CCN4: variants seen among roughly 807,000 people sequenced by gnomAD.
CCN4 encodes CCN family member 4.
In CCN4, 30 loss-of-function variants were observed where a neutral mutation model predicts 36.7. The ratio of observed to expected loss-of-function variants is 0.82; its 90% CI spans 0.61 to 1.11. The LOEUF is 1.11. Among genes scored for constraint, CCN4 ranks in the 50% least tolerant of loss-of-function variants. The probability of loss-of-function intolerance (pLI) is 0.00; values close to 1 mark genes in which losing one functional copy is unlikely to be tolerated. For missense variants in CCN4, 505 were observed against 504.9 expected (o/e 1.00, Z 0.00); for synonymous variants, 191 against 195.4 (o/e 0.98, Z 0.19).
At position 133,191,123 on chromosome 8, in the gene CCN4, C is replaced by T. The variant is rs1437113285; in HGVS notation, c.-22C>T. The stretch of plus-strand genomic sequence containing the variant: ...GATCCTCTGGGCTGCTCGGTCGATG[C>T]CTGTGCCACTGACGTCCAGGCATGA... On this transcript the variant is annotated 5_prime_UTR_variant, in exon 1 of 5. Transcript: ENST00000250160. The T allele has an allele frequency of 1.9e-6, 3 of 1,604,904 alleles. No homozygotes were observed. Among genetic ancestry groups the T allele is most frequent in the Admixed American group, 1.7e-5 (1 of 59,978 alleles).
Position 133,220,646 on chromosome 8 carries a change from A to C in CCN4, c.415A>C (p.Asn139His). 1 of 1,614,174 alleles carries C rather than the reference A, an allele frequency of 6.2e-7. No individual in the cohort carries two copies. The highest frequency in any genetic ancestry group is 8.5e-7 in the Non-Finnish European group (1 of 1,180,000). ...RYNNGQSFQP[N>H]CKYNCTCIDG... ...CAACAACGGCCAGTCCTTCCAGCCT[A>C]ACTGCAAGTACAACTGCACGTGCAT... The change falls in exon 3 of 5, where the codon AAC becomes CAC. Residue 139 changes from asparagine to histidine, a missense_variant. Asn to His is a moderately conservative substitution (Grantham distance 68, BLOSUM62 1). Transcript: ENST00000250160.
intron 1 of CCN4, among the ~76,000 whole-genome samples, chr8:133,198,442 A>G (rs748967698): frequency 2.0e-5 from 3 of 152,154 alleles, no homozygotes; most frequent in African/African-American, 7.2e-5. Flanking sequence ...TGGTTTCCCA[A>G]TTAGGCCCTC....
In CCN4 at chr8:133,202,172, T is replaced by TA. The variant is rs1174513844; in HGVS notation, c.70-10688dup. ...ATGTATTTTACCCTTGATGTTTTGT[T>TA]AAAATGACTGAAAATGGGAGAAAAC... is the stretch of plus-strand genomic sequence containing the variant. On this transcript the variant is annotated intron_variant, in intron 1 of 4. Coordinates refer to ENST00000250160, the MANE Select transcript of CCN4 (RefSeq NM_003882.4). Among the ~76,000 whole-genome samples, 4 of 152,172 alleles carry TA rather than the reference T, an allele frequency of 2.6e-5. No individual in the cohort carries two copies. The East Asian group carries it at 7.7e-4, about 29-fold the overall frequency.
At chr8:133,216,256 C>T (rs899577794) in intron 2 of CCN4, among the ~76,000 whole-genome samples, 11 of 152,266 alleles carry the variant, frequency 7.2e-5, no homozygotes, top group African/African-American at 2.2e-4. Context: ...AGCAAATGGA[C>T]AGTTCCTAGG....
chr8:133,220,199 T>C (rs1257071955), intron 2 of CCN4, among the ~76,000 whole-genome samples: 2 of 152,124 alleles, frequency 1.3e-5, no homozygotes, highest in Non-Finnish European at 2.9e-5. Flanking sequence ...TCTGGCTTTT[T>C]TTTTACAAGT....
intron 2 of CCN4, among the ~76,000 whole-genome samples, chr8:133,217,936 C>CCACACA (rs58105917): frequency 2.9e-4 from 42 of 144,526 alleles, no homozygotes; most frequent in African/African-American, 8.0e-4. Context: ...ACTCCCTTCT[C>CCACACA]CACACACACA....
At chr8:133,192,155 T>C (rs1853138765) in intron 1 of CCN4, among the ~76,000 whole-genome samples, 1 of 151,996 alleles carries the variant, frequency 6.6e-6, no homozygotes, top group Admixed American at 6.6e-5. Flanking sequence ...GGCAAAAGAG[T>C]GTTTATCCCC....
At chr8:133,222,969 A>G (rs2130615638) in intron 3 of CCN4, among the ~76,000 whole-genome samples, 1 of 152,160 alleles carries the variant, frequency 6.6e-6, no homozygotes, top group Non-Finnish European at 1.5e-5. Context: ...ACTAAATCCC[A>G]GCAATCTAAT....
chr8:133,225,451 C>T lies in CCN4; in HGVS notation c.672C>T (p.Ser224=). 1 of 1,614,060 alleles carries T rather than the reference C, an allele frequency of 6.2e-7. No homozygotes were observed. The highest frequency in any genetic ancestry group is 8.5e-7 in the Non-Finnish European group (1 of 1,179,962). ...GCATAGCCTACACAAGCCCCTGGAG[C>T]CCTTGCTCCACCAGCTGCGGCCTGG... ...RNCIAYTSPW[S]PCSTSCGLGV... is the part of the protein sequence containing the mutation. Residue 224 remains serine (S), a synonymous_variant, in exon 4 of 5, where the codon AGC becomes AGT. Transcript: ENST00000250160.
At chr8:133,218,538 C>A (rs543008783) in intron 2 of CCN4, among the ~76,000 whole-genome samples, 1 of 152,190 alleles carries the variant, frequency 6.6e-6, no homozygotes, top group African/African-American at 2.4e-5. Context: ...ACAGAGGAGA[C>A]CCAGTATCCA....
At chr8:133,225,677 T>A (rs1854707556) in intron 4 of CCN4, 94 bp downstream of exon 4, 1 of 1,300,010 alleles carries the variant, frequency 7.7e-7, no homozygotes, top group Non-Finnish European at 1.0e-6. Flanking sequence ...GGAGCATTTG[T>A]AAAGTGGGAA....
intron 1 of CCN4, among the ~76,000 whole-genome samples, chr8:133,193,543 G>A (rs540009334): frequency 1.6e-4 from 25 of 152,338 alleles, no homozygotes; most frequent in African/African-American, 5.8e-4. Context: ...TGTCCGCCAT[G>A]TGCTAAGAGA....
chr8:133,204,790 G>A (rs12114691), intron 1 of CCN4, among the ~76,000 whole-genome samples: 23 of 152,262 alleles, frequency 1.5e-4, no homozygotes, highest in African/African-American at 5.1e-4. Context: ...CCTTGACCTC[G>A]AGTGATCCAC....
Position 133,225,431 on chromosome 8 carries a change from G to C in CCN4, c.652G>C (p.Ala218Pro), listed in dbSNP as rs1418059717. The C allele has an allele frequency of 2.5e-6, 4 of 1,613,500 alleles. No homozygotes were observed. In the Admixed American group the frequency reaches 5.0e-5, roughly 20 times the overall value. ...GGAGGCATGGCACAGGAACTGCATA[G>C]CCTACACAAGCCCCTGGAGCCCTTG... ...EVEAWHRNCI[A>P]YTSPWSPCST... Residue 218 changes from alanine to proline, a missense_variant, in exon 4 of 5, where the codon GCC becomes CCC. Physicochemically the swap from Ala to Pro is conservative, Grantham distance 27. Coordinates refer to ENST00000250160, the MANE Select transcript of CCN4 (RefSeq NM_003882.4).
At chr8:133,197,952 T>C (rs141649329) in intron 1 of CCN4, among the ~76,000 whole-genome samples, 158 of 152,280 alleles carry the variant, frequency 1.0e-3, no homozygotes, top group African/African-American at 3.5e-3. Flanking sequence ...CAGGGACTCA[T>C]ACCCCTGCCC....
At chr8:133,212,057 CCAT>C (rs1158955045) in intron 1 of CCN4, among the ~76,000 whole-genome samples, 3 of 152,120 alleles carry the variant, frequency 2.0e-5, no homozygotes, top group Admixed American at 2.0e-4. Context: ...CCTCTTGTGT[CCAT>C]CATATTTGCC....
In CCN4 at chr8:133,195,153, GTGT is replaced by G. The variant is rs571466351; in HGVS notation, c.69+3943_69+3945del. ...GTGTGAGCATGTTTGTGGTGTGTGT[GTGT>G]TGAGTGTGTATGTGGTGTGTTTGTG... On this transcript the variant is annotated intron_variant, in intron 1 of 4. Transcript: ENST00000250160. Among the ~76,000 whole-genome samples, 5 of 149,738 alleles carry G rather than the reference GTGT, an allele frequency of 3.3e-5. No homozygotes were observed. The South Asian group carries it at 1.1e-3, about 32-fold the overall frequency.
At chr8:133,212,289 A>G (rs1854075080) in intron 1 of CCN4, among the ~76,000 whole-genome samples, 1 of 152,136 alleles carries the variant, frequency 6.6e-6, no homozygotes, top group Non-Finnish European at 1.5e-5. Flanking sequence ...TATAAAGTTG[A>G]ATACCTGCCG....
chr8:133,227,602 C>A lies in CCN4; in HGVS notation c.996C>A (p.Arg332=). The A allele has an allele frequency of 6.2e-7, 1 of 1,614,232 alleles. No homozygotes were observed. The highest frequency in any genetic ancestry group is 8.5e-7 in the Non-Finnish European group (1 of 1,180,040). ...GTCCTGATGGGCTTGGCTTCTCCCGCCAGGTCCTATGGATTAATGCCTGCT... is the reference window on the plus strand; with the variant it reads ...GTCCTGATGGGCTTGGCTTCTCCCGACAGGTCCTATGGATTAATGCCTGCT... The part of the protein sequence containing the change: ...FQCPDGLGFS[R]QVLWINACFC... The change falls in exon 5 of 5, where the codon CGC becomes CGA. Residue 332 remains arginine (R), a synonymous_variant. Coordinates refer to ENST00000250160, the MANE Select transcript of CCN4 (RefSeq NM_003882.4).
Sources: allele counts gnomAD v4.1 joint callset (sites outside exome capture counted in the v4.1 genomes callset), GRCh38; gene constraint gnomAD v4.1.1; transcripts MANE v1.5; gene names NCBI Gene and HGNC (gene_info 2026-07-23, HGNC 2026-07-21).